PLCE1: variants seen among roughly 807,000 people sequenced by gnomAD.
The protein encoded by PLCE1 is 1-phosphatidylinositol 4,5-bisphosphate phosphodiesterase epsilon-1.
Under a neutral mutation model 242.8 loss-of-function variants are expected in PLCE1, and 119 were observed. The ratio of observed to expected loss-of-function variants is 0.49; its 90% CI spans 0.42 to 0.57. The LOEUF (loss-of-function observed/expected upper bound fraction) is 0.57, where lower values mean the gene tolerates loss of function less well. PLCE1 is among the 20% of genes least tolerant of loss of function. PLCE1 has a pLI of 0.00. For synonymous variants in PLCE1, 945 were observed against 1,017.4 expected (o/e 0.93, Z 1.35); for missense variants, 2,441 against 2,788.8 (o/e 0.88, Z 2.81).
chr10:94,141,122 T>C (rs1400422943), intron 3 of PLCE1, among the ~76,000 whole-genome samples: 8 of 152,172 alleles, frequency 5.3e-5, no homozygotes, highest in Non-Finnish European at 1.2e-4. Flanking sequence ...GTGGTATGAG[T>C]AGGTCATAGG....
intron 4 of PLCE1, among the ~76,000 whole-genome samples, chr10:94,190,060 A>T (rs2048609053): frequency 6.6e-6 from 1 of 152,100 alleles, no homozygotes; most frequent in Non-Finnish European, 1.5e-5. Flanking sequence ...CAATGGGTGG[A>T]CTGCTTGAGC....
At chr10:94,086,702 G>A (rs2044838792) in intron 2 of PLCE1, among the ~76,000 whole-genome samples, 1 of 152,234 alleles carries the variant, frequency 6.6e-6, no homozygotes, top group Non-Finnish European at 1.5e-5. Flanking sequence ...TCCAAGAGGT[G>A]TCTCAGGATT....
chr10:94,117,231 G>T (rs562923933), intron 2 of PLCE1, among the ~76,000 whole-genome samples: 1 of 152,160 alleles, frequency 6.6e-6, no homozygotes, highest in Admixed American at 6.5e-5. Flanking sequence ...GTGAATAAAA[G>T]GTGACCCGAC....
At chr10:94,285,240 A>T (rs1264828942) in intron 22 of PLCE1, among the ~76,000 whole-genome samples, 1 of 152,142 alleles carries the variant, frequency 6.6e-6, no homozygotes, top group Non-Finnish European at 1.5e-5. Flanking sequence ...CTAATTGCTA[A>T]ATGTATTAAA....
At chr10:94,072,517 T>G (rs1189854276) in intron 2 of PLCE1, among the ~76,000 whole-genome samples, 6 of 152,192 alleles carry the variant, frequency 3.9e-5, no homozygotes, top group Non-Finnish European at 8.8e-5. Flanking sequence ...GACCTTGTGA[T>G]CTGCCTGCCT....
intron 2 of PLCE1, among the ~76,000 whole-genome samples, chr10:94,129,958 T>A (rs1227348886): frequency 6.6e-5 from 10 of 152,162 alleles, no homozygotes; most frequent in Non-Finnish European, 1.3e-4. Flanking sequence ...CCACTGGCTG[T>A]CCTTATTGCT....
chr10:94,241,633 T>C (rs2050506356), intron 7 of PLCE1, among the ~76,000 whole-genome samples: 1 of 151,862 alleles, frequency 6.6e-6, no homozygotes, highest in African/African-American at 2.4e-5. Flanking sequence ...CTACTAAAAA[T>C]ACAAAAATTA....
chr10:94,004,781 A>G (rs1589840386), intron 1 of PLCE1, among the ~76,000 whole-genome samples: 1 of 152,024 alleles, frequency 6.6e-6, no homozygotes, highest in South Asian at 2.1e-4. Flanking sequence ...GCTGGTGGGG[A>G]CAATGGTGAG....
chr10:94,189,020 A>T lies in PLCE1; in HGVS notation c.1809+17524A>T, dbSNP rs1216648526. Among the ~76,000 whole-genome samples the T allele has an allele frequency of 2.0e-5, 3 of 150,990 alleles. No individual in the cohort carries two copies. The East Asian group carries it at 5.8e-4, about 29-fold the overall frequency. ...AAGTAAAAAAAAAAAAAAAAAAAAA[A>T]AAATTTGTGGTCCAGTGAATTTCAA... On this transcript the variant is annotated intron_variant, in intron 4 of 32. Transcript: ENST00000371380.
chr10:94,072,866 C>T (rs561890706), intron 2 of PLCE1, among the ~76,000 whole-genome samples: 29 of 152,278 alleles, frequency 1.9e-4, no homozygotes, highest in African/African-American at 7.0e-4. Context: ...TGTCTACTCA[C>T]CCACACAGAT....
intron 1 of PLCE1, among the ~76,000 whole-genome samples, chr10:94,009,181 C>T (rs1017887305): frequency 2.0e-5 from 3 of 152,074 alleles, no homozygotes; most frequent in African/African-American, 7.2e-5. Context: ...AGGAAGCTTA[C>T]AATTATGGTG....
chr10:94,074,187 CTT>C (rs1015998359), intron 2 of PLCE1, among the ~76,000 whole-genome samples: 9 of 123,094 alleles, frequency 7.3e-5, no homozygotes, highest in Admixed American at 8.2e-5. Flanking sequence ...CCAAGCAGTT[CTT>C]TTTTTTTTTT....
rs184948932 is a variant in PLCE1 at position 94,131,502 on chromosome 10, C to A, written c.1207-672C>A. Among the ~76,000 whole-genome samples the A allele has an allele frequency of 1.8e-4, 28 of 152,178 alleles. 1 individual carries two copies. The highest frequency in any genetic ancestry group is 6.7e-4 in the African/African-American group (28 of 41,510). On this transcript the variant is annotated intron_variant, in intron 2 of 32. Coordinates refer to ENST00000371380, the MANE Select transcript of PLCE1 (RefSeq NM_016341.4). The stretch of plus-strand genomic sequence containing the variant: ...TCCTAACAGTGCAATCTTCTTGAGA[C>A]AATGCTTGGTGAATTCGGGTGATAA...
chr10:94,124,395 AAAAGAAAG>A (rs1323256949), intron 2 of PLCE1, among the ~76,000 whole-genome samples: 1 of 151,396 alleles, frequency 6.6e-6, no homozygotes, highest in South Asian at 2.1e-4. Context: ...AAAAAAAAAA[AAAAGAAAG>A]AAAGAAAGAA....
At chr10:94,040,323 C>CT (rs1478337148) in intron 2 of PLCE1, among the ~76,000 whole-genome samples, 3 of 151,960 alleles carry the variant, frequency 2.0e-5, no homozygotes, top group African/African-American at 4.8e-5. Context: ...CATAGCTTTT[C>CT]TTTTTTTTCC....
chr10:94,005,740 A>G (rs1181702765), intron 1 of PLCE1, among the ~76,000 whole-genome samples: 1 of 152,196 alleles, frequency 6.6e-6, no homozygotes, highest in Non-Finnish European at 1.5e-5. Context: ...GTAGAACCTT[A>G]ATCAAACCAC....
In PLCE1 at chr10:94,325,000, A is replaced by C; in HGVS notation, c.6829A>C (p.Thr2277Pro). 1 of 1,614,120 alleles carries C rather than the reference A, an allele frequency of 6.2e-7. No individual in the cohort carries two copies. The highest frequency in any genetic ancestry group is 1.6e-4 in the Middle Eastern group (1 of 6,062). The change falls in exon 32 of 33, where the codon ACC (threonine) becomes CCC (proline). Residue 2277 changes from threonine (T) to proline (P), a missense_variant. Thr to Pro is a conservative substitution (Grantham distance 38). Around this residue, in one of 5 missense-constraint regions of PLCE1, gnomAD observed 310 missense variants for 317.2 expected, o/e 0.98. Coordinates refer to ENST00000371380, the MANE Select transcript of PLCE1 (RefSeq NM_016341.4). ...RGLTSPSQLL[T>P]SESIQTKEEK... is the part of the protein sequence containing the mutation. ...ACTTACATCACCTTCTCAGCTCTTG[A>C]CCTCAGAAAGTATCCAAACCAAGGA...
Position 94,331,328 on chromosome 10 carries a change from C to T in PLCE1, c.*3385C>T, listed in dbSNP as rs1005382542. On this transcript the variant is annotated 3_prime_UTR_variant, in exon 33 of 33. Coordinates refer to ENST00000371380, the MANE Select transcript of PLCE1 (RefSeq NM_016341.4). ...TCAATTTACCTTTTGCTAACTACAT[C>T]GTCCCCTTCCTTTCTTCTCTCCTCT... 3 of 152,190 alleles carry T rather than the reference C, an allele frequency of 2.0e-5. No homozygotes were observed. The highest frequency in any genetic ancestry group is 7.2e-5 in the African/African-American group (3 of 41,428). The allele number at this position is 152,190 out of a possible 1,614,324, so 9.4% of individuals were successfully genotyped here.
rs372501153 is a variant in PLCE1, at chr10:94,187,146, A to ATGTGTGTGTGTGTGTGTG, written c.1809+15669_1809+15686dup. Among the ~76,000 whole-genome samples, 30 of 145,506 alleles carry ATGTGTGTGTGTGTGTGTG rather than the reference A, an allele frequency of 2.1e-4. No individual in the cohort carries two copies. The East Asian group carries it at 2.1e-3, about 10-fold the overall frequency. On this transcript the variant is annotated intron_variant, in intron 4 of 32. Transcript: ENST00000371380. Reference sequence around the variant, plus strand: ...GTGGCTAAGCCAAGATGAAACATATATGTGTGTGTGTGTGTGTGTGTGTGT... The same window carrying ATGTGTGTGTGTGTGTGTG: ...GTGGCTAAGCCAAGATGAAACATATATGTGTGTGTGTGTGTGTGTGTGTGTGTGTGTGTGTGTGTGTGT...
Sources: gnomAD v4.1 joint callset for allele counts (sites outside exome capture counted in the v4.1 genomes callset) on GRCh38, gnomAD v4.1.1 for gene constraint, gnomAD v4.1.1 regional missense constraint, MANE v1.5 for transcripts, NCBI Gene and HGNC (gene_info 2026-07-23, HGNC 2026-07-21) for gene names.